The following PARK7 variants were observed in gnomAD, a reference collection of about 807,000 sequenced individuals.
PARK7 encodes the protein Parkinsonism associated deglycase.
PARK7 carries 14 observed loss-of-function variants against 20.5 expected under a neutral mutation model. The ratio of observed to expected loss-of-function variants is 0.68; its 90% CI spans 0.45 to 1.07. The LOEUF is 1.07. PARK7 is among the 50% of genes least tolerant of loss of function. The pLI, the probability that PARK7 is intolerant of heterozygous loss-of-function variation, is 0.00. For synonymous variants in PARK7, 98 were observed against 84.3 expected (o/e 1.16, Z -0.89); for missense variants, 234 against 238.1 (o/e 0.98, Z 0.11).
rs2151437704 is a variant in PARK7, at chr1:7,979,763, A to G, written c.409+2025A>G. Among the ~76,000 whole-genome samples the G allele has an allele frequency of 1.3e-5, 2 of 152,172 alleles. 1 individual carries two copies. Among genetic ancestry groups the G allele is most frequent in the South Asian group, 4.1e-4 (2 of 4,826 alleles). ...GCGATCCTTCTGGCTTGGCCTCCCA[A>G]AGTACTAGGATTACAGATGTGAGCC... On this transcript the variant is annotated intron_variant, in intron 6 of 6. Coordinates refer to ENST00000338639, the MANE Select transcript of PARK7 (RefSeq NM_007262.5).
chr1:7,974,368 A>G (rs1040716819), intron 5 of PARK7, among the ~76,000 whole-genome samples: 1 of 151,890 alleles, frequency 6.6e-6, no homozygotes, highest in Non-Finnish European at 1.5e-5. Context: ...GGTGGCTCAC[A>G]CCTGTAATCC....
At chr1:7,969,104 C>G (rs1053696448) in intron 3 of PARK7, 2 of 475,788 alleles carry the variant, frequency 4.2e-6, no homozygotes, top group African/African-American at 3.9e-5. Context: ...TATACTACCC[C>G]TGCTACTCTG....
At chr1:7,967,137 T>A (rs183205363) in intron 3 of PARK7, among the ~76,000 whole-genome samples, 5 of 152,338 alleles carry the variant, frequency 3.3e-5, no homozygotes, top group African/African-American at 1.2e-4. Context: ...AATTTTTTTT[T>A]AGCTTTCACA....
chr1:7,964,946 A>G (rs1229095907), intron 2 of PARK7, among the ~76,000 whole-genome samples: 6 of 152,216 alleles, frequency 3.9e-5, no homozygotes, highest in South Asian at 4.1e-4. Flanking sequence ...GGCAGCAGCT[A>G]TAAGTAGGGT....
intron 4 of PARK7, among the ~76,000 whole-genome samples, chr1:7,970,140 A>G (rs1331062824): frequency 2.0e-5 from 3 of 152,138 alleles, no homozygotes; most frequent in East Asian, 3.9e-4. Context: ...GGCTGCAGTG[A>G]GCTGTGAATG....
At chr1:7,979,502 A>G (rs912470325) in intron 6 of PARK7, among the ~76,000 whole-genome samples, 1 of 152,038 alleles carries the variant, frequency 6.6e-6, no homozygotes, top group Admixed American at 6.6e-5. Flanking sequence ...TGGTTTGTTT[A>G]TTTATTTAAT....
At chr1:7,965,521 T>C in intron 3 of PARK7, 96 bp downstream of exon 3, 3 of 1,127,174 alleles carry the variant, frequency 2.7e-6, no homozygotes, top group Non-Finnish European at 4.0e-6. Context: ...TTTTAGAAAA[T>C]TATTTTGCTT....
intron 6 of PARK7, among the ~76,000 whole-genome samples, chr1:7,983,440 A>G (rs1640753166): frequency 6.6e-6 from 1 of 152,218 alleles, no homozygotes; most frequent in Non-Finnish European, 1.5e-5. Flanking sequence ...CTCCTCACCT[A>G]GGCCTTCATT....
At position 7,969,371 on chromosome 1, in the gene PARK7, A is replaced by T. The variant is rs1381274015; in HGVS notation, c.219A>T (p.Pro73=). The T allele has an allele frequency of 1.9e-6, 3 of 1,610,518 alleles. No individual in the cohort carries two copies. The highest frequency in any genetic ancestry group is 1.1e-5 in the South Asian group (1 of 90,976). ...GACCATATGATGTGGTGGTTCTACC[A>T]GGAGGTAATCTGGGCGCACAGAATT... ...KEGPYDVVVL[P]GGNLGAQNLS... Residue 73 remains proline, a synonymous_variant, in exon 4 of 7, where the codon CCA becomes CCT. Coordinates refer to ENST00000338639, the MANE Select transcript of PARK7 (RefSeq NM_007262.5).
At chr1:7,982,241 C>A (rs1350021739) in intron 6 of PARK7, among the ~76,000 whole-genome samples, 1 of 151,340 alleles carries the variant, frequency 6.6e-6, no homozygotes, top group Non-Finnish European at 1.5e-5. Flanking sequence ...CCTGCCTTGG[C>A]GTCCCAGAGT....
rs570248969 is a variant in PARK7 at position 7,977,799 on chromosome 1, G to A, written c.409+61G>A. 6.4e-4 allele frequency: 910 copies of A among 1,429,240 alleles called. 1 individual carries two copies. Among genetic ancestry groups the A allele is most frequent in the Non-Finnish European group, 8.2e-4 (840 of 1,018,432 alleles). 88.5% of individuals were successfully genotyped at this position (1,429,240 alleles called of 1,614,324 possible). A position where few individuals can be genotyped will look rare whatever the true frequency, so the allele number is the denominator to read the frequency against. On this transcript the variant is annotated intron_variant, in intron 6 of 6. Coordinates refer to ENST00000338639, the MANE Select transcript of PARK7 (RefSeq NM_007262.5). ...TTTTGAGATGGAGTCTCGCTCCATC[G>A]CCCAGGCTGGAGTGCAGTGGCGTGA...
chr1:7,974,249 G>A (rs1204407845), intron 5 of PARK7, among the ~76,000 whole-genome samples: 4 of 151,780 alleles, frequency 2.6e-5, no homozygotes, highest in African/African-American at 4.8e-5. Context: ...TTTGAGCCCA[G>A]GAATTTGAGG....
Position 7,969,386 on chromosome 1 carries a change from C to A in PARK7, c.234C>A (p.Gly78=). 2 of 1,610,164 alleles carry A rather than the reference C, an allele frequency of 1.2e-6. No homozygotes were observed. The highest frequency in any genetic ancestry group is 1.1e-5 in the South Asian group (1 of 90,972). The change falls in exon 4 of 7, where the codon GGC becomes GGA. Residue 78 remains glycine, a synonymous_variant. Coordinates refer to ENST00000338639, the MANE Select transcript of PARK7 (RefSeq NM_007262.5). ...TGGTTCTACCAGGAGGTAATCTGGG[C>A]GCACAGAATTTATCTGAGGTAAAAA... ...DVVVLPGGNL[G]AQNLSESAAV... is the part of the protein sequence containing the mutation.
At chr1:7,963,930 C>T (rs1429625945) in intron 2 of PARK7, among the ~76,000 whole-genome samples, 1 of 151,716 alleles carries the variant, frequency 6.6e-6, no homozygotes, top group Non-Finnish European at 1.5e-5. Flanking sequence ...AGTTCTCTGC[C>T]TCAGCCTCCC....
chr1:7,965,930 C>G (rs1640315880), intron 3 of PARK7, among the ~76,000 whole-genome samples: 1 of 152,184 alleles, frequency 6.6e-6, no homozygotes, highest in African/African-American at 2.4e-5. Flanking sequence ...CCACCTCAAC[C>G]CCCCACGTAG....
At chr1:7,978,497 A>C (rs1276475689) in intron 6 of PARK7, among the ~76,000 whole-genome samples, 1 of 147,242 alleles carries the variant, frequency 6.8e-6, no homozygotes, top group East Asian at 2.0e-4. Context: ...GGTTCAAGGG[A>C]CTCTCCTGTC....
At chr1:7,963,635 A>G (rs1042739611) in intron 2 of PARK7, among the ~76,000 whole-genome samples, 2 of 151,540 alleles carry the variant, frequency 1.3e-5, no homozygotes, top group Non-Finnish European at 2.9e-5. Context: ...TTAGCCTTTT[A>G]CAGTGCTGGG....
intron 4 of PARK7, among the ~76,000 whole-genome samples, chr1:7,969,786 G>A (rs1326556434): frequency 2.6e-5 from 4 of 152,118 alleles, no homozygotes; most frequent in Non-Finnish European, 5.9e-5. Context: ...CACCATGTTG[G>A]CCAGTCTGGT....
intron 4 of PARK7, among the ~76,000 whole-genome samples, chr1:7,969,771 G>A (rs2151431531): frequency 6.6e-6 from 1 of 152,152 alleles, no homozygotes; most frequent in South Asian, 2.1e-4. Flanking sequence ...TTAGAGACGG[G>A]GTTTCACCAT....
Sources: allele counts gnomAD v4.1 joint callset (sites outside exome capture counted in the v4.1 genomes callset), GRCh38; gene constraint gnomAD v4.1.1; transcripts MANE v1.5; gene names NCBI Gene and HGNC (gene_info 2026-07-23, HGNC 2026-07-21).